GBE1: variants seen among roughly 807,000 people sequenced by gnomAD.
The protein encoded by GBE1 is 1,4-alpha-glucan-branching enzyme.
GBE1 carries 70 observed loss-of-function variants against 88.8 expected under a neutral mutation model. The ratio of observed to expected loss-of-function variants is 0.79; its 90% CI spans 0.65 to 0.96. GBE1 has a LOEUF of 0.96. Ranked by LOEUF, GBE1 falls within the 40% of genes least tolerant of loss-of-function variation. The probability of loss-of-function intolerance (pLI) is 0.00; values close to 1 mark genes in which losing one functional copy is unlikely to be tolerated. For missense variants in GBE1, 872 were observed against 871.0 expected, an observed-to-expected ratio of 1.00 and a Z score of -0.01; for synonymous variants, 284 against 300.1, an observed-to-expected ratio of 0.95 and a Z score of 0.56.
At chr3:81,565,512 A>C (rs969090842) in intron 12 of GBE1, among the ~76,000 whole-genome samples, 1 of 152,238 alleles carries the variant, frequency 6.6e-6, no homozygotes, top group African/African-American at 2.4e-5. Context: ...CAACAAATGC[A>C]GACTGACACT....
At chr3:81,705,334 T>C in intron 2 of GBE1, 110 bp downstream of exon 2, 1 of 820,164 alleles carries the variant, frequency 1.2e-6, no homozygotes, top group Non-Finnish European at 1.8e-6. Context: ...GTCTGATATT[T>C]ATTTGTAATC....
rs140402611 is a variant in GBE1 at position 81,602,563 on chromosome 3, G to A, written c.993-8540C>T. Among the ~76,000 whole-genome samples, 358 of 152,230 alleles carry A rather than the reference G, an allele frequency of 2.4e-3. 6 individuals are homozygous for A. Among genetic ancestry groups the A allele is most frequent in the Admixed American group, 0.017 (254 of 15,270 alleles). On this transcript the variant is annotated intron_variant, in intron 7 of 15. Transcript: ENST00000429644. ...ACTGTATCTTCACATGGTAGAAAGA[G>A]TGTGAGGGAGCTCTCTGGGGTCCCT...
Position 81,594,158 on chromosome 3 carries a change from TAA to T in GBE1, c.993-137_993-136del, listed in dbSNP as rs565144323. The stretch of plus-strand genomic sequence containing the variant: ...TAATGTTCAAGAAACATAACATATA[TAA>T]AAGTCACAAAACTAACAAGAATCTC... On this transcript the variant is annotated intron_variant, in intron 7 of 15. Transcript: ENST00000429644. The T allele has an allele frequency of 8.8e-3, 4,078 of 461,154 alleles. 30 individuals carry two copies. Among genetic ancestry groups the T allele is most frequent in the Middle Eastern group, 0.02 (53 of 2,636 alleles). The allele number at this position is 461,154 out of a possible 1,614,324, so 28.6% of individuals were successfully genotyped here.
At chr3:81,739,798 T>C (rs374835073) in intron 1 of GBE1, among the ~76,000 whole-genome samples, 8 of 152,304 alleles carry the variant, frequency 5.3e-5, no homozygotes, top group African/African-American at 1.9e-4. Context: ...ATATATTCTA[T>C]TCCTTTAGAA....
At chr3:81,619,303 A>G (rs1704293176) in intron 7 of GBE1, among the ~76,000 whole-genome samples, 1 of 152,156 alleles carries the variant, frequency 6.6e-6, no homozygotes, top group African/African-American at 2.4e-5. Context: ...ATATCTACAC[A>G]TACATATATG....
At chr3:81,661,788 A>G (rs1576189921) in intron 3 of GBE1, among the ~76,000 whole-genome samples, 1 of 152,164 alleles carries the variant, frequency 6.6e-6, no homozygotes, top group Non-Finnish European at 1.5e-5. Flanking sequence ...TAACAAAATG[A>G]TAGATCTTTA....
intron 3 of GBE1, among the ~76,000 whole-genome samples, chr3:81,653,597 C>T (rs1051373372): frequency 2.6e-5 from 4 of 152,138 alleles, no homozygotes; most frequent in South Asian, 2.1e-4. Flanking sequence ...AAACAATAGC[C>T]TTGTCTATCA....
intron 12 of GBE1, among the ~76,000 whole-genome samples, chr3:81,556,073 T>C (rs1355764719): frequency 5.3e-5 from 8 of 152,146 alleles, no homozygotes; most frequent in Non-Finnish European, 1.0e-4. Context: ...GTTCTGTACA[T>C]GTAGATATAC....
intron 14 of GBE1, among the ~76,000 whole-genome samples, chr3:81,530,814 A>T (rs1197768069): frequency 1.3e-5 from 2 of 151,656 alleles, no homozygotes; most frequent in Admixed American, 1.3e-4. Context: ...TCTGGTGACT[A>T]TTGTCTGGGT....
intron 2 of GBE1, among the ~76,000 whole-genome samples, chr3:81,690,709 T>C (rs1705507789): frequency 6.6e-6 from 1 of 151,930 alleles, no homozygotes; most frequent in Non-Finnish European, 1.5e-5. Context: ...TTTTTGCTGT[T>C]GTTGTTTAAT....
intron 3 of GBE1, among the ~76,000 whole-genome samples, chr3:81,669,380 AG>A (rs1366709167): frequency 2.0e-5 from 3 of 152,248 alleles, no homozygotes; most frequent in Non-Finnish European, 4.4e-5. Flanking sequence ...TCTCAAAAAA[AG>A]TTCCGAACCT....
intron 1 of GBE1, among the ~76,000 whole-genome samples, chr3:81,712,292 C>A (rs1461191831): frequency 6.6e-6 from 1 of 152,134 alleles, no homozygotes; most frequent in Non-Finnish European, 1.5e-5. Flanking sequence ...CCCAGCCATC[C>A]CATTATTGGG....
intron 14 of GBE1, among the ~76,000 whole-genome samples, chr3:81,516,380 C>G (rs1319280778): frequency 1.3e-5 from 2 of 151,464 alleles, no homozygotes; most frequent in Non-Finnish European, 3.0e-5. Context: ...GTTTACTGAG[C>G]CTGTAAGCCC....
At chr3:81,677,939 C>A (rs1453818414) in intron 2 of GBE1, among the ~76,000 whole-genome samples, 1 of 152,078 alleles carries the variant, frequency 6.6e-6, no homozygotes, top group East Asian at 1.9e-4. Flanking sequence ...AATACTAATA[C>A]CTCATTATTT....
intron 12 of GBE1, among the ~76,000 whole-genome samples, chr3:81,557,666 A>G (rs1288306336): frequency 6.6e-6 from 1 of 152,068 alleles, no homozygotes; most frequent in Non-Finnish European, 1.5e-5. Context: ...ATTCAGAATA[A>G]AAGGTTGGAT....
chr3:81,657,918 T>C (rs773811953), intron 3 of GBE1, among the ~76,000 whole-genome samples: 129 of 152,246 alleles, frequency 8.5e-4, no homozygotes, highest in Admixed American at 5.9e-4. Context: ...ATTAAATGAT[T>C]AGATTTTGCC....
At chr3:81,557,016 C>T (rs1246841486) in intron 12 of GBE1, among the ~76,000 whole-genome samples, 1 of 151,800 alleles carries the variant, frequency 6.6e-6, no homozygotes, top group African/African-American at 2.4e-5. Flanking sequence ...TTACAAATGC[C>T]CAGTAAAATA....
At chr3:81,635,585 A>G (rs1704580781) in intron 7 of GBE1, among the ~76,000 whole-genome samples, 1 of 152,202 alleles carries the variant, frequency 6.6e-6, no homozygotes, top group Non-Finnish European at 1.5e-5. Flanking sequence ...TTCTGTAGAA[A>G]ATAGACATGT....
At chr3:81,671,082 T>C (rs1010906928) in intron 2 of GBE1, 129 bp from the exon 3 acceptor site, 1 of 463,288 alleles carries the variant, frequency 2.2e-6, no homozygotes, top group African/African-American at 2.0e-5. Flanking sequence ...TTTTCTGAAG[T>C]GTTAATCAAA....
Sources: gnomAD v4.1 joint callset for allele counts (sites outside exome capture counted in the v4.1 genomes callset) on GRCh38, gnomAD v4.1.1 for gene constraint, MANE v1.5 for transcripts, NCBI Gene and HGNC (gene_info 2026-07-23, HGNC 2026-07-21) for gene names.